The following SGCD variants were observed in gnomAD, a reference collection of about 807,000 sequenced individuals.
The protein encoded by SGCD is delta-sarcoglycan.
In SGCD, 18 loss-of-function variants were observed where a neutral mutation model predicts 36.6. That is an observed-to-expected ratio of 0.49 (90% CI 0.34 to 0.73). The LOEUF is 0.73. SGCD is among the 30% of genes least tolerant of loss of function. The pLI is 0.01. For missense variants in SGCD, 387 were observed against 346.7 expected (o/e 1.12, Z -0.92); for synonymous variants, 133 against 130.6 (o/e 1.02, Z -0.12).
At chr5:156,114,030 T>C (rs572792326) in intron 1 of SGCD, among the ~76,000 whole-genome samples, 1 of 152,164 alleles carries the variant, frequency 6.6e-6, no homozygotes, top group East Asian at 1.9e-4. Flanking sequence ...GCCAGGGAAT[T>C]TTTAGGGCAG....
chr5:155,765,890 C>T, the SGCD span, among the ~76,000 whole-genome samples: 2 of 152,078 alleles, frequency 1.3e-5, no homozygotes, highest in Admixed American at 6.6e-5. Context: ...CACCTGAGAA[C>T]ACTCAAGCAG....
chr5:156,188,823 T>C (rs1003668729), intron 3 of SGCD, among the ~76,000 whole-genome samples: 1 of 152,076 alleles, frequency 6.6e-6, no homozygotes, highest in African/African-American at 2.4e-5. Flanking sequence ...AACAGACCCT[T>C]TTACAAATTA....
intron 1 of SGCD, among the ~76,000 whole-genome samples, chr5:156,037,447 C>T (rs949952323): frequency 6.6e-6 from 1 of 152,204 alleles, no homozygotes; most frequent in African/African-American, 2.4e-5. Flanking sequence ...CCCCTGATGG[C>T]ACCTGCACAG....
At chr5:156,017,061 A>G (rs1258161560) in intron 1 of SGCD, among the ~76,000 whole-genome samples, 2 of 152,212 alleles carry the variant, frequency 1.3e-5, no homozygotes, top group Non-Finnish European at 2.9e-5. Flanking sequence ...TCACCAATAA[A>G]GTAAATCATT....
chr5:156,317,836 A>C (rs1204808483), intron 3 of SGCD, among the ~76,000 whole-genome samples: 2 of 152,206 alleles, frequency 1.3e-5, no homozygotes, highest in Non-Finnish European at 2.9e-5. Context: ...GTACGATAAG[A>C]TCTTAGTGAG....
intron 3 of SGCD, among the ~76,000 whole-genome samples, chr5:156,304,307 C>T (rs187717722): frequency 4.6e-5 from 7 of 152,238 alleles, no homozygotes; most frequent in African/African-American, 7.2e-5. Flanking sequence ...GGGAGGAACC[C>T]GGTGGGAGGT....
intron 1 of SGCD, among the ~76,000 whole-genome samples, chr5:155,992,698 A>G (rs1316088240): frequency 6.6e-6 from 1 of 152,202 alleles, no homozygotes; most frequent in Non-Finnish European, 1.5e-5. Flanking sequence ...CCAGTTTACT[A>G]TGCTCATGGT....
chr5:156,573,558 G>T (rs993574067), intron 4 of SGCD, among the ~76,000 whole-genome samples: 4 of 152,122 alleles, frequency 2.6e-5, no homozygotes, highest in Non-Finnish European at 5.9e-5. Context: ...AGACTGGAAG[G>T]CTCACAGGTA....
the SGCD span, among the ~76,000 whole-genome samples, chr5:155,839,754 G>A: frequency 1.3e-5 from 2 of 152,088 alleles, no homozygotes; most frequent in Non-Finnish European, 2.9e-5. Context: ...GACTGTGAGA[G>A]GATTTCACTC....
chr5:155,923,104 G>T (rs1044821526), intron 1 of SGCD, among the ~76,000 whole-genome samples: 1 of 152,112 alleles, frequency 6.6e-6, no homozygotes, highest in South Asian at 2.1e-4. Context: ...AAATATGGGG[G>T]TTTCATACTA....
At chr5:156,489,463 C>A (rs1241845876) in intron 3 of SGCD, among the ~76,000 whole-genome samples, 1 of 151,956 alleles carries the variant, frequency 6.6e-6, no homozygotes, top group Non-Finnish European at 1.5e-5. Context: ...CCAGGATAGA[C>A]CATTTGTTAG....
intron 3 of SGCD, among the ~76,000 whole-genome samples, chr5:156,453,770 T>G (rs1030221633): frequency 1.3e-5 from 2 of 152,178 alleles, no homozygotes; most frequent in African/African-American, 4.8e-5. Flanking sequence ...CTCTGGTACA[T>G]CCATACAATG....
chr5:156,080,930 T>G (rs1760933250), intron 1 of SGCD, among the ~76,000 whole-genome samples: 1 of 152,228 alleles, frequency 6.6e-6, no homozygotes. Context: ...TTTCACTATT[T>G]TAATAGCAAT....
At chr5:156,405,607 G>A (rs922164988) in intron 3 of SGCD, among the ~76,000 whole-genome samples, 7 of 152,098 alleles carry the variant, frequency 4.6e-5, no homozygotes, top group African/African-American at 1.7e-4. Flanking sequence ...AAATTTTACT[G>A]CTCTCCCAAG....
chr5:156,083,447 A>G (rs1023395379), intron 1 of SGCD, among the ~76,000 whole-genome samples: 25 of 151,862 alleles, frequency 1.6e-4, no homozygotes, highest in African/African-American at 5.8e-4. Flanking sequence ...GGCATGCGCC[A>G]CCATGCCTGG....
intron 3 of SGCD, among the ~76,000 whole-genome samples, chr5:156,444,014 T>C (rs774732443): frequency 6.7e-6 from 1 of 150,222 alleles, no homozygotes; most frequent in African/African-American, 2.5e-5. Flanking sequence ...ACAAAACAGA[T>C]ACTTGCTGAT....
At chr5:155,730,255 C>T in the SGCD span, among the ~76,000 whole-genome samples, 1 of 152,102 alleles carries the variant, frequency 6.6e-6, no homozygotes, top group African/African-American at 2.4e-5. Context: ...TATTCTAATC[C>T]CTTAAAGCTG....
At chr5:156,564,907 C>T (rs1002225888) in intron 4 of SGCD, among the ~76,000 whole-genome samples, 12 of 152,134 alleles carry the variant, frequency 7.9e-5, no homozygotes, top group Non-Finnish European at 1.3e-4. Context: ...GTTGATAAAA[C>T]AGATTTTAAC....
the SGCD span, among the ~76,000 whole-genome samples, chr5:155,747,261 A>G: frequency 2.0e-5 from 3 of 152,226 alleles, no homozygotes; most frequent in East Asian, 5.8e-4. Context: ...AGGACAGAAT[A>G]GGAATAGAAC....
Sources: allele counts gnomAD v4.1 joint callset (sites outside exome capture counted in the v4.1 genomes callset), GRCh38; gene constraint gnomAD v4.1.1; transcripts MANE v1.5; gene names NCBI Gene and HGNC (gene_info 2026-07-23, HGNC 2026-07-21).